The following DSCAM variants were observed in gnomAD, a reference collection of about 807,000 sequenced individuals.
The protein encoded by DSCAM is cell adhesion molecule DSCAM.
In DSCAM, 47 loss-of-function variants were observed where a neutral mutation model predicts 217.7. The observed-to-expected ratio is 0.22, with a 90% CI of 0.17 to 0.28. The LOEUF is 0.28. Among genes scored for constraint, DSCAM ranks in the 10% least tolerant of loss-of-function variants. The pLI, the probability that DSCAM is intolerant of heterozygous loss-of-function variation, is 1.00. For missense variants in DSCAM, 2,080 were observed against 2,618.3 expected (o/e 0.79, Z 4.49); for synonymous variants, 1,056 against 1,015.3 (o/e 1.04, Z -0.76).
intron 3 of DSCAM, among the ~76,000 whole-genome samples, chr21:40,657,410 G>C (rs1033594170): frequency 6.6e-6 from 1 of 152,168 alleles, no homozygotes; most frequent in African/African-American, 2.4e-5. Context: ...AAATAAACCA[G>C]GGTACGACTC....
chr21:40,539,495 CA>C (rs912807872), intron 3 of DSCAM, among the ~76,000 whole-genome samples: 2 of 142,248 alleles, frequency 1.4e-5, no homozygotes, highest in Non-Finnish European at 3.0e-5. Flanking sequence ...GACTCCATCT[CA>C]AAAAAAAGAA....
In DSCAM at chr21:40,303,272, A is replaced by G. The variant is rs577063557; in HGVS notation, c.2063-7098T>C. On this transcript the variant is annotated intron_variant, in intron 9 of 32. Transcript: ENST00000400454. The stretch of plus-strand genomic sequence containing the variant: ...TACACTTTCTGTCCTCTCTTACTTA[A>G]TAGGAGGCACCTTGGGCCTCTTGCT... Among the ~76,000 whole-genome samples the G allele has an allele frequency of 2.0e-5, 3 of 152,196 alleles. No homozygotes were observed. In the East Asian group the frequency reaches 5.8e-4, roughly 30 times the overall value.
intron 3 of DSCAM, among the ~76,000 whole-genome samples, chr21:40,617,696 G>A (rs73905010): frequency 0.019 from 2,849 of 152,324 alleles, 81 homozygotes; most frequent in African/African-American, 0.065. Context: ...CCTCCCAGTC[G>A]TTATGGTTGA....
intron 11 of DSCAM, among the ~76,000 whole-genome samples, chr21:40,228,547 C>A (rs1421862848): frequency 6.6e-6 from 1 of 152,034 alleles, no homozygotes. Flanking sequence ...CCAGATTTAA[C>A]CACTGGGAAC....
intron 6 of DSCAM, among the ~76,000 whole-genome samples, chr21:40,344,623 C>T (rs1413571186): frequency 1.3e-5 from 2 of 152,146 alleles, no homozygotes; most frequent in African/African-American, 2.4e-5. Flanking sequence ...CCAAAATATC[C>T]GATGAATCAT....
chr21:40,017,636 T>A lies in DSCAM; in HGVS notation c.5687-4250A>T, dbSNP rs889859214. Among the ~76,000 whole-genome samples the A allele has an allele frequency of 5.8e-4, 88 of 150,868 alleles. 1 individual carries two copies. The highest frequency in any genetic ancestry group is 2.1e-3 in the African/African-American group (87 of 40,582). ...GAGTGCAACTCGGTTCGCCACAACC[T>A]CCACCTCCCGGTTCAAGCGATTCTC... On this transcript the variant is annotated intron_variant, in intron 32 of 32. Transcript: ENST00000400454.
chr21:40,296,146 C>A lies in DSCAM; in HGVS notation c.2091G>T (p.Arg697=). The change falls in exon 10 of 33, where the codon CGG becomes CGT. Residue 697 remains arginine (R), a synonymous_variant. Transcript: ENST00000400454. ...RVPPKFVVQP[R]DQDGIYGKAV... ...CTTTGCCATAAATCCCGTCCTGGTCCCGTGGCTGAACCACAAACTTGGGAG... is the reference window on the plus strand; with the variant it reads ...CTTTGCCATAAATCCCGTCCTGGTCACGTGGCTGAACCACAAACTTGGGAG... 1 of 1,614,080 alleles carries A rather than the reference C, an allele frequency of 6.2e-7. No homozygotes were observed. Among genetic ancestry groups the A allele is most frequent in the South Asian group, 1.1e-5 (1 of 91,086 alleles).
At chr21:40,315,566 C>A (rs2074187634) in intron 8 of DSCAM, among the ~76,000 whole-genome samples, 1 of 152,062 alleles carries the variant, frequency 6.6e-6, no homozygotes, top group Admixed American at 6.6e-5. Flanking sequence ...AGCATTAAAA[C>A]CAAAACGAAA....
intron 8 of DSCAM, among the ~76,000 whole-genome samples, chr21:40,319,571 CAG>C (rs2074237504): frequency 6.6e-6 from 1 of 152,180 alleles, no homozygotes; most frequent in African/African-American, 2.4e-5. Context: ...ACCCCCTTCA[CAG>C]AGTGATTTCA....
chr21:40,502,802 T>G (rs930654413), intron 3 of DSCAM, among the ~76,000 whole-genome samples: 2 of 152,114 alleles, frequency 1.3e-5, no homozygotes, highest in Non-Finnish European at 2.9e-5. Flanking sequence ...ACATAACATA[T>G]TCACAGGTCT....
At chr21:40,406,445 T>G (rs916720319) in intron 3 of DSCAM, among the ~76,000 whole-genome samples, 6 of 152,148 alleles carry the variant, frequency 3.9e-5, no homozygotes, top group African/African-American at 1.2e-4. Flanking sequence ...GTATAAACCA[T>G]GAAATACAAC....
chr21:40,182,673 G>GGGGGTTACCAGAGAAACCGTGGACAGGA (rs2090832437), intron 14 of DSCAM, among the ~76,000 whole-genome samples: 6 of 29,248 alleles, frequency 2.1e-4, no homozygotes, highest in Admixed American at 3.5e-4. Flanking sequence ...CGTGGACAGG[G>GGGGGTTACCAGAGAAACCGTGGACAGGA]GGGGGTTACC....
intron 3 of DSCAM, among the ~76,000 whole-genome samples, chr21:40,603,705 G>C (rs1247901209): frequency 6.6e-6 from 1 of 151,570 alleles, no homozygotes; most frequent in African/African-American, 2.4e-5. Flanking sequence ...TATCTTGGTG[G>C]GTTTTTTGTT....
chr21:40,314,778 C>T (rs1744205037), intron 8 of DSCAM, among the ~76,000 whole-genome samples: 1 of 152,184 alleles, frequency 6.6e-6, no homozygotes, highest in Non-Finnish European at 1.5e-5. Flanking sequence ...TGGAGCCAGG[C>T]TACTTTGGTT....
intron 3 of DSCAM, among the ~76,000 whole-genome samples, chr21:40,467,590 C>G (rs746121886): frequency 4.6e-5 from 7 of 152,042 alleles, no homozygotes; most frequent in Non-Finnish European, 1.0e-4. Flanking sequence ...AGAATCAACA[C>G]TTTTATACAT....
At chr21:40,398,291 T>C (rs1316264340) in intron 3 of DSCAM, among the ~76,000 whole-genome samples, 1 of 152,188 alleles carries the variant, frequency 6.6e-6, no homozygotes, top group Non-Finnish European at 1.5e-5. Flanking sequence ...CCCTTAAACA[T>C]GACCTTGTCC....
At chr21:40,412,310 A>G (rs531721177) in intron 3 of DSCAM, among the ~76,000 whole-genome samples, 17 of 152,206 alleles carry the variant, frequency 1.1e-4, no homozygotes, top group Non-Finnish European at 2.4e-4. Flanking sequence ...CTGGGTAACA[A>G]GAAGAGGCTG....
At chr21:40,499,478 G>T (rs2076154930) in intron 3 of DSCAM, among the ~76,000 whole-genome samples, 1 of 152,180 alleles carries the variant, frequency 6.6e-6, no homozygotes, top group Non-Finnish European at 1.5e-5. Context: ...GCCTCTAGAT[G>T]AAAGATCTCT....
chr21:40,708,777 A>G lies in DSCAM; in HGVS notation c.44-6T>C. On this transcript the variant is annotated splice_polypyrimidine_tract_variant and splice_region_variant and intron_variant, in intron 1 of 32. Transcript: ENST00000400454. ...GTGTAGGTCTTCACTGAAAACTGCAAGAAGACAACACAGGGATCCATAGGT... is the reference window on the plus strand; with the variant it reads ...GTGTAGGTCTTCACTGAAAACTGCAGGAAGACAACACAGGGATCCATAGGT... The G allele has an allele frequency of 6.5e-7, 1 of 1,533,706 alleles. No homozygotes were observed. The highest frequency in any genetic ancestry group is 1.7e-4 in the Middle Eastern group (1 of 5,790).
Sources: gnomAD v4.1 joint callset for allele counts (sites outside exome capture counted in the v4.1 genomes callset) on GRCh38, gnomAD v4.1.1 for gene constraint, MANE v1.5 for transcripts, NCBI Gene and HGNC (gene_info 2026-07-23, HGNC 2026-07-21) for gene names.